Variants in BAALC observed in about 807,000 individuals in gnomAD.
BAALC encodes the protein BAALC binder of MAP3K1 and KLF4, also known as brain and acute leukemia cytoplasmic protein.
A neutral mutation model predicts 15.5 loss-of-function variants in BAALC; 9 were observed. The observed-to-expected ratio is 0.58, with a 90% confidence interval of 0.35 to 1.02. BAALC has a LOEUF of 1.02. Among genes scored for constraint, BAALC ranks in the 50% least tolerant of loss-of-function variants. The pLI is 0.02. For missense variants in BAALC, 201 were observed against 192.4 expected (o/e 1.04, Z -0.27); for synonymous variants, 80 against 74.6 (o/e 1.07, Z -0.37).
At chr8:103,175,017 TC>T (rs147656404) in intron 1 of BAALC, among the ~76,000 whole-genome samples, 1,545 of 152,288 alleles carry the variant, frequency 0.01, 34 homozygotes, top group East Asian at 0.058. Flanking sequence ...CCAGTTGATC[TC>T]CACCCAGGAT....
intron 2 of BAALC, 26 bp from the exon 3 acceptor site, chr8:103,227,963 T>G (rs1353688104): frequency 5.3e-6 from 8 of 1,510,064 alleles, no homozygotes; most frequent in Non-Finnish European, 7.4e-6. Context: ...TCCTAGTAAC[T>G]CAATTCACTG....
rs780201806 is a variant in BAALC, at chr8:103,213,132, A to G, written c.327+47A>G. ...CAACTGGGGACTGGAGAATGGGGGT[A>G]GGGCTTGCTTCAGGGCAGAGCCACC... is the stretch of plus-strand genomic sequence containing the variant. On this transcript the variant is annotated intron_variant, in intron 2 of 2. Coordinates refer to ENST00000309982, the MANE Select transcript of BAALC (RefSeq NM_024812.3). 6 of 1,596,522 alleles carry G rather than the reference A, an allele frequency of 3.8e-6. No individual in the cohort carries two copies. In the African/African-American group the frequency reaches 6.7e-5, roughly 18 times the overall value.
chr8:103,203,922 G>A (rs1259786104), intron 1 of BAALC, among the ~76,000 whole-genome samples: 1 of 152,154 alleles, frequency 6.6e-6, no homozygotes, highest in Non-Finnish European at 1.5e-5. Context: ...GTGGATACAG[G>A]CTTTCGTTTC....
At chr8:103,223,270 T>C (rs1812722241) in intron 2 of BAALC, among the ~76,000 whole-genome samples, 9 of 152,168 alleles carry the variant, frequency 5.9e-5, no homozygotes, top group Admixed American at 5.2e-4. Flanking sequence ...ATTGAGCCAC[T>C]GCACTCCAGC....
chr8:103,166,702 A>G (rs190727579), intron 1 of BAALC, among the ~76,000 whole-genome samples: 39 of 152,336 alleles, frequency 2.6e-4, no homozygotes, highest in African/African-American at 9.4e-4. Flanking sequence ...ATTTGTTCAA[A>G]CCCAATGAAC....
At chr8:103,198,782 A>G (rs1812150605) in intron 1 of BAALC, among the ~76,000 whole-genome samples, 1 of 152,004 alleles carries the variant, frequency 6.6e-6, no homozygotes, top group African/African-American at 2.4e-5. Context: ...GTGGTGGTGC[A>G]CATCTGTAGT....
At chr8:103,143,853 C>T (rs1051874209) in intron 1 of BAALC, among the ~76,000 whole-genome samples, 3 of 152,188 alleles carry the variant, frequency 2.0e-5, no homozygotes, top group African/African-American at 7.2e-5. Flanking sequence ...TCCTAGAGCC[C>T]CTTCTGCCTC....
chr8:103,164,232 T>C (rs940395866), intron 1 of BAALC, among the ~76,000 whole-genome samples: 1 of 152,028 alleles, frequency 6.6e-6, no homozygotes, highest in African/African-American at 2.4e-5. Flanking sequence ...CTTAATGTGA[T>C]TGAGGCACAG....
chr8:103,140,863 C>A lies in BAALC; in HGVS notation c.-35C>A. The A allele has an allele frequency of 2.0e-6, 3 of 1,465,638 alleles. No individual in the cohort carries two copies. The highest frequency in any genetic ancestry group is 2.7e-5 in the South Asian group (2 of 74,850). 90.8% of individuals were successfully genotyped at this position (1,465,638 alleles called of 1,614,324 possible). The stretch of plus-strand genomic sequence containing the variant: ...CTGAGCCGCCGCCAGAGCCGACAGC[C>A]GAGCAGCCGCTGGGCGCTCCCGCGG... On this transcript the variant is annotated 5_prime_UTR_variant, in exon 1 of 3. Coordinates refer to ENST00000309982, the MANE Select transcript of BAALC (RefSeq NM_024812.3). The surrounding 1 kb of genome is among the most constrained non-coding windows in gnomAD (Gnocchi z 4.2).
intron 1 of BAALC, among the ~76,000 whole-genome samples, chr8:103,167,359 CA>C (rs1288390007): frequency 7.2e-5 from 11 of 152,140 alleles, no homozygotes; most frequent in African/African-American, 2.7e-4. Context: ...TCCAGAGACT[CA>C]ATGTTCTTTG....
intron 1 of BAALC, among the ~76,000 whole-genome samples, chr8:103,184,155 C>G (rs1405317657): frequency 2.0e-5 from 3 of 152,216 alleles, no homozygotes; most frequent in Non-Finnish European, 4.4e-5. Context: ...GAGTCTCTCT[C>G]TTCTGGTTCC....
intron 1 of BAALC, among the ~76,000 whole-genome samples, chr8:103,192,510 G>T (rs1811994060): frequency 6.6e-6 from 1 of 152,036 alleles, no homozygotes; most frequent in Non-Finnish European, 1.5e-5. Context: ...CCATTGTTTT[G>T]CTTTTCCCCC....
intron 1 of BAALC, among the ~76,000 whole-genome samples, chr8:103,162,138 T>A (rs1220229522): frequency 6.6e-6 from 1 of 152,114 alleles, no homozygotes; most frequent in Non-Finnish European, 1.5e-5. Flanking sequence ...AAAAACATTT[T>A]TTTCATAGAG....
chr8:103,210,710 C>T (rs10097018), intron 1 of BAALC, among the ~76,000 whole-genome samples: 21,414 of 152,248 alleles, frequency 0.14, 1,747 homozygotes, highest in South Asian at 0.23. Context: ...AATAATATAA[C>T]ATCTTTAGTA....
chr8:103,150,921 ACCTCG>A (rs1810971993), intron 1 of BAALC, among the ~76,000 whole-genome samples: 1 of 152,012 alleles, frequency 6.6e-6, no homozygotes, highest in South Asian at 2.1e-4. Flanking sequence ...AAGGATCATG[ACCTCG>A]GGTCCCTGGG....
intron 1 of BAALC, among the ~76,000 whole-genome samples, chr8:103,193,624 G>C (rs1052368976): frequency 2.6e-5 from 4 of 152,172 alleles, no homozygotes; most frequent in East Asian, 3.8e-4. Context: ...TGGGTTTTGA[G>C]TCCTGGATCC....
chr8:103,191,196 T>TA (rs35097791), intron 1 of BAALC: 167 of 144,324 alleles, frequency 1.2e-3, no homozygotes, highest in Admixed American at 1.3e-3. Context: ...TGAGACTGTC[T>TA]AAAAAAAAAA....
At chr8:103,199,177 T>G (rs189717670) in intron 1 of BAALC, among the ~76,000 whole-genome samples, 183 of 152,350 alleles carry the variant, frequency 1.2e-3, no homozygotes, top group African/African-American at 4.1e-3. Context: ...AGACTGAAAT[T>G]GCTGAGTTAT....
At chr8:103,223,608 C>T (rs1812732117) in intron 2 of BAALC, among the ~76,000 whole-genome samples, 1 of 151,312 alleles carries the variant, frequency 6.6e-6, no homozygotes, top group African/African-American at 2.4e-5. Flanking sequence ...TAAGAAATGA[C>T]CCTATTGTAA....
Sources: allele counts gnomAD v4.1 joint callset (sites outside exome capture counted in the v4.1 genomes callset), GRCh38; gene constraint gnomAD v4.1.1; non-coding constraint Gnocchi (gnomAD v3.1); transcripts MANE v1.5; gene names NCBI Gene and HGNC (gene_info 2026-07-23, HGNC 2026-07-21).